ZNF516: variants seen among roughly 807,000 people sequenced by gnomAD.
The protein encoded by ZNF516 is zinc finger protein 516.
Under a neutral mutation model 79.7 loss-of-function variants are expected in ZNF516, and 19 were observed. The observed-to-expected ratio is 0.24, with a 90% CI of 0.17 to 0.35. ZNF516 has a LOEUF of 0.35. ZNF516 is among the 10% of genes least tolerant of loss of function. The pLI is 1.00. For missense variants in ZNF516, 1,678 were observed against 1,679.5 expected (o/e 1.00, Z 0.02); for synonymous variants, 877 against 739.5 (o/e 1.19, Z -3.02).
At chr18:76,412,032 C>CCTCGTTTGGTCT (rs201505355) in intron 3 of ZNF516, among the ~76,000 whole-genome samples, 1 of 150,084 alleles carries the variant, frequency 6.7e-6, no homozygotes, top group South Asian at 2.1e-4. Flanking sequence ...CTCTCCAAGA[C>CCTCGTTTGGTCT]CGTGTGGGTG....
chr18:76,370,884 G>A (rs949800312), intron 5 of ZNF516, among the ~76,000 whole-genome samples: 3 of 152,120 alleles, frequency 2.0e-5, no homozygotes, highest in African/African-American at 7.2e-5. Context: ...CTTACCACTC[G>A]GCCTGTGTCA....
chr18:76,495,956 A>G (rs1020282609), upstream of ZNF516, among the ~76,000 whole-genome samples: 5 of 152,216 alleles, frequency 3.3e-5, no homozygotes, highest in African/African-American at 1.2e-4. Flanking sequence ...CCATTTAAAA[A>G]TGAAGGGGTT....
intron 3 of ZNF516, among the ~76,000 whole-genome samples, chr18:76,432,688 C>T (rs975213938): frequency 1.3e-5 from 2 of 152,236 alleles, no homozygotes; most frequent in East Asian, 1.9e-4. Flanking sequence ...ATCAGGCCCA[C>T]GGCCCTCTGT....
chr18:76,412,299 C>G (rs1473254605), intron 3 of ZNF516, among the ~76,000 whole-genome samples: 1 of 152,152 alleles, frequency 6.6e-6, no homozygotes, highest in African/African-American at 2.4e-5. Context: ...TCACTGGGGA[C>G]AGAGGGGACG....
intron 3 of ZNF516, among the ~76,000 whole-genome samples, chr18:76,440,761 T>TGTGTGC (rs571461431): frequency 0.012 from 1,783 of 150,212 alleles, 34 homozygotes; most frequent in African/African-American, 0.04. Flanking sequence ...TGTGTGTGTG[T>TGTGTGC]GCGCGCACGC....
Position 76,357,979 on chromosome 18 carries a change from C to T in ZNF516, c.*4519G>A, listed in dbSNP as rs955889087. Among the ~76,000 whole-genome samples the T allele has an allele frequency of 4.6e-5, 7 of 152,266 alleles. No homozygotes were observed. The highest frequency in any genetic ancestry group is 1.4e-4 in the African/African-American group (6 of 41,554). ...ATTAAAAAACTGTATGTCCTCGAGT[C>T]CACAAAAGAGTTGGAAAAAAACCAC... On this transcript the variant is annotated 3_prime_UTR_variant, in exon 7 of 7. Coordinates refer to ENST00000443185, the MANE Select transcript of ZNF516 (RefSeq NM_014643.4).
upstream of ZNF516, chr18:76,496,239 C>CTGCG: frequency 8.0e-7 from 1 of 1,257,200 alleles, no homozygotes; most frequent in South Asian, 1.3e-5. Flanking sequence ...ACCCGGGGAG[C>CTGCG]TGCGGCCTGC....
chr18:76,415,401 A>G (rs751308580), intron 3 of ZNF516, among the ~76,000 whole-genome samples: 2 of 152,142 alleles, frequency 1.3e-5, no homozygotes, highest in Non-Finnish European at 2.9e-5. Flanking sequence ...TTTGACACCC[A>G]TCTAACTTTA....
At chr18:76,426,533 T>TA (rs1275167025) in intron 3 of ZNF516, among the ~76,000 whole-genome samples, 2 of 151,910 alleles carry the variant, frequency 1.3e-5, no homozygotes, top group East Asian at 3.9e-4. Context: ...TACATAAACT[T>TA]TTTTTTTAAA....
intron 3 of ZNF516, among the ~76,000 whole-genome samples, chr18:76,419,867 A>T (rs866085932): frequency 6.6e-6 from 1 of 152,260 alleles, no homozygotes; most frequent in African/African-American, 2.4e-5. Context: ...GAGAACATAT[A>T]CAATAAAAAT....
intron 4 of ZNF516, among the ~76,000 whole-genome samples, chr18:76,376,865 C>T (rs1337603084): frequency 1.3e-5 from 2 of 152,074 alleles, no homozygotes; most frequent in African/African-American, 2.4e-5. Context: ...TGCTGGGAGG[C>T]GGCCACCGGG....
At chr18:76,475,055 C>A (rs1234150752) in intron 1 of ZNF516, among the ~76,000 whole-genome samples, 2 of 152,168 alleles carry the variant, frequency 1.3e-5, no homozygotes, top group Non-Finnish European at 2.9e-5. Context: ...AGAAACAACT[C>A]ATATATAGGC....
At chr18:76,443,798 C>T (rs1380464435) in intron 2 of ZNF516, among the ~76,000 whole-genome samples, 1 of 152,216 alleles carries the variant, frequency 6.6e-6, no homozygotes, top group Non-Finnish European at 1.5e-5. Flanking sequence ...TGGCACAGCC[C>T]GCAACACACC....
At chr18:76,416,201 T>C (rs951414260) in intron 3 of ZNF516, among the ~76,000 whole-genome samples, 5 of 152,188 alleles carry the variant, frequency 3.3e-5, no homozygotes, top group Admixed American at 3.3e-4. Flanking sequence ...TTTAAGAAAA[T>C]CATGTTTGGA....
At chr18:76,443,908 A>G (rs1911883500) in intron 2 of ZNF516, among the ~76,000 whole-genome samples, 1 of 152,206 alleles carries the variant, frequency 6.6e-6, no homozygotes, top group South Asian at 2.1e-4. Context: ...ACCACCCTGC[A>G]TGGCCGCCAC....
chr18:76,429,538 C>T (rs1186836406), intron 3 of ZNF516, among the ~76,000 whole-genome samples: 2 of 152,080 alleles, frequency 1.3e-5, no homozygotes, highest in Admixed American at 1.3e-4. Flanking sequence ...AAGACGATGA[C>T]CAAGGCCAGC....
chr18:76,483,949 G>A (rs1364088750), intron 1 of ZNF516, among the ~76,000 whole-genome samples: 1 of 152,268 alleles, frequency 6.6e-6, no homozygotes, highest in Admixed American at 6.5e-5. Flanking sequence ...CATCCCCGTG[G>A]AAAGACGCAA....
intron 3 of ZNF516, among the ~76,000 whole-genome samples, chr18:76,382,210 T>G (rs1599153892): frequency 6.6e-6 from 1 of 152,162 alleles, no homozygotes; most frequent in Non-Finnish European, 1.5e-5. Context: ...TATGAGTCTG[T>G]TATACGCACA....
chr18:76,369,218 G>A (rs893733854), intron 6 of ZNF516, among the ~76,000 whole-genome samples: 1 of 152,168 alleles, frequency 6.6e-6, no homozygotes, highest in African/African-American at 2.4e-5. Flanking sequence ...CATACACTTG[G>A]AAATCTTTTC....
Sources: gnomAD v4.1 joint callset for allele counts (sites outside exome capture counted in the v4.1 genomes callset) on GRCh38, gnomAD v4.1.1 for gene constraint, MANE v1.5 for transcripts, NCBI Gene and HGNC (gene_info 2026-07-23, HGNC 2026-07-21) for gene names.